Variants in PCDHGA5 observed in about 807,000 individuals in gnomAD.
PCDHGA5 encodes the protein protocadherin gamma-A5.
PCDHGA5 carries 36 observed loss-of-function variants against 56.7 expected under a neutral mutation model. The ratio of observed to expected loss-of-function variants is 0.64; its 90% CI spans 0.49 to 0.84. PCDHGA5 has a LOEUF of 0.84. Ranked by LOEUF, PCDHGA5 falls within the 40% of genes least tolerant of loss-of-function variation. The probability of loss-of-function intolerance (pLI) is 0.00; values close to 1 mark genes in which losing one functional copy is unlikely to be tolerated. For missense variants in PCDHGA5, 1,305 were observed against 1,201.5 expected, an observed-to-expected ratio of 1.09 and a Z score of -1.27; for synonymous variants, 563 against 520.2, an observed-to-expected ratio of 1.08 and a Z score of -1.12.
At chr5:141,415,982 T>G in intron 1 of PCDHGA5, 1 of 342,492 alleles carries the variant, frequency 2.9e-6, no homozygotes, top group Non-Finnish European at 4.9e-6. Flanking sequence ...AGCAACCCTC[T>G]TGTTCTGAAG....
chr5:141,421,864 C>T (rs1561797174), intron 1 of PCDHGA5: 2 of 1,613,766 alleles, frequency 1.2e-6, no homozygotes, highest in Non-Finnish European at 1.7e-6. Context: ...CCTGCTCCTC[C>T]TCACAGCTTT....
At chr5:141,400,539 T>C (rs1339848826) in intron 1 of PCDHGA5, 7 of 1,613,782 alleles carry the variant, frequency 4.3e-6, no homozygotes, top group African/African-American at 4.0e-5. Context: ...GTTTCATTTA[T>C]GTCTATTCTT....
chr5:141,394,406 G>A (rs1359061127), intron 1 of PCDHGA5: 1 of 1,614,180 alleles, frequency 6.2e-7, no homozygotes, highest in South Asian at 1.1e-5. Flanking sequence ...TGCAGCTACT[G>A]GTAACAGCCA....
chr5:141,448,704 G>A (rs1272148301), intron 1 of PCDHGA5, among the ~76,000 whole-genome samples: 1 of 152,134 alleles, frequency 6.6e-6, no homozygotes. Flanking sequence ...ACTTTGGGAG[G>A]CCGAGGCGGG....
intron 1 of PCDHGA5, chr5:141,379,340 T>C (rs576770875): frequency 1.3e-5 from 2 of 152,350 alleles, no homozygotes; most frequent in South Asian, 4.1e-4. Flanking sequence ...TCTTCAAAGC[T>C]CATTTTCTTG....
chr5:141,388,278 A>G (rs769879098), intron 1 of PCDHGA5: 3 of 1,613,502 alleles, frequency 1.9e-6, no homozygotes, highest in East Asian at 2.2e-5. Context: ...CCACACGCCA[A>G]AATTCACGCA....
rs781267293 is a variant in PCDHGA5 at position 141,489,926 on chromosome 5, C to T, written c.2422-4881C>T. 1.2e-6 allele frequency: 2 copies of T among 1,614,222 alleles called. No individual in the cohort carries two copies. The highest frequency in any genetic ancestry group is 2.2e-5 in the East Asian group (1 of 44,878). On this transcript the variant is annotated intron_variant, in intron 1 of 3. Coordinates refer to ENST00000518069, the MANE Select transcript of PCDHGA5 (RefSeq NM_018918.3). The surrounding 1 kb of genome is among the most constrained non-coding windows in gnomAD (Gnocchi z 4.5). Reference sequence around the variant, plus strand: ...GCCCGCTCAGGGACCACCCTTATCTCTGTCATCGTGCTGGACATCAATGAT... The same window carrying T: ...GCCCGCTCAGGGACCACCCTTATCTTTGTCATCGTGCTGGACATCAATGAT...
intron 1 of PCDHGA5, among the ~76,000 whole-genome samples, chr5:141,401,895 T>C (rs184400858): frequency 3.8e-4 from 58 of 152,342 alleles, no homozygotes; most frequent in African/African-American, 1.1e-3. Context: ...GTGTTCTTTT[T>C]CCCAAATTAT....
At chr5:141,440,165 A>G (rs935524872) in intron 1 of PCDHGA5, 2 of 152,300 alleles carry the variant, frequency 1.3e-5, no homozygotes, top group African/African-American at 4.8e-5. Flanking sequence ...AGCTTGGGCC[A>G]TAACGCTTTG....
At chr5:141,422,936 C>A (rs1428873210) in intron 1 of PCDHGA5, 2 of 1,614,260 alleles carry the variant, frequency 1.2e-6, no homozygotes, top group East Asian at 4.5e-5. Flanking sequence ...GCCCTCCCCA[C>A]AGACGGCTCC....
chr5:141,501,290 TACACACACACACACACACAC>T (rs55762287), intron 2 of PCDHGA5, among the ~76,000 whole-genome samples: 1 of 136,162 alleles, frequency 7.3e-6, no homozygotes, highest in Non-Finnish European at 1.6e-5. Flanking sequence ...TATTCCCTTA[TACACACACACACACACACAC>T]ACACACACAC....
chr5:141,508,527 GCACC>G (rs2099869479), intron 3 of PCDHGA5, among the ~76,000 whole-genome samples: 1 of 152,104 alleles, frequency 6.6e-6, no homozygotes, highest in Non-Finnish European at 1.5e-5. Flanking sequence ...CAACCTCAGG[GCACC>G]CCCCACGAGG....
intron 1 of PCDHGA5, chr5:141,478,642 T>C (rs777741719): frequency 6.4e-7 from 1 of 1,552,350 alleles, no homozygotes; most frequent in Non-Finnish European, 8.7e-7. Context: ...GTGATGAAGA[T>C]GTTTTCCTGG....
intron 1 of PCDHGA5, among the ~76,000 whole-genome samples, chr5:141,472,145 A>G (rs1376068421): frequency 6.6e-6 from 1 of 152,244 alleles, no homozygotes; most frequent in Non-Finnish European, 1.5e-5. Flanking sequence ...TAAAAGTTTC[A>G]TGGTTACATA....
At chr5:141,409,596 A>G in intron 1 of PCDHGA5, 1 of 1,613,714 alleles carries the variant, frequency 6.2e-7, no homozygotes, top group Non-Finnish European at 8.5e-7. Flanking sequence ...GCCGAGAACA[A>G]CCCGCCAGGA....
chr5:141,414,375 G>C, intron 1 of PCDHGA5: 1 of 1,613,854 alleles, frequency 6.2e-7, no homozygotes, highest in Non-Finnish European at 8.5e-7. Flanking sequence ...AATTAGAAAA[G>C]TCCATTGACA....
At chr5:141,418,632 G>A in intron 1 of PCDHGA5, 1 of 1,614,028 alleles carries the variant, frequency 6.2e-7, no homozygotes, top group Non-Finnish European at 8.5e-7. Flanking sequence ...GTGCCTCCAG[G>A]CACCTCCATC....
At chr5:141,370,305 G>T in intron 1 of PCDHGA5, 2 of 1,206,280 alleles carry the variant, frequency 1.7e-6, no homozygotes, top group Non-Finnish European at 2.3e-6. Context: ...CAAAGACAAA[G>T]CAAATAGTTG....
intron 1 of PCDHGA5, chr5:141,428,211 C>A: frequency 7.8e-7 from 1 of 1,284,316 alleles, no homozygotes; most frequent in Non-Finnish European, 1.1e-6. Context: ...CTACGCTTCA[C>A]CTAGTCTTCG....
Sources: allele counts gnomAD v4.1 joint callset (sites outside exome capture counted in the v4.1 genomes callset), GRCh38; gene constraint gnomAD v4.1.1; non-coding constraint Gnocchi (gnomAD v3.1); transcripts MANE v1.5; gene names NCBI Gene and HGNC (gene_info 2026-07-23, HGNC 2026-07-21).